SEC31B: variants seen among roughly 807,000 people sequenced by gnomAD.
SEC31B encodes the protein protein transport protein Sec31B.
SEC31B carries 113 observed loss-of-function variants against 135.0 expected under a neutral mutation model. That is an observed-to-expected ratio of 0.84 (90% confidence interval 0.72 to 0.98). The LOEUF is 0.98. Among genes scored for constraint, SEC31B ranks in the 50% least tolerant of loss-of-function variants. SEC31B has a pLI of 0.00. For missense variants in SEC31B, 1,296 were observed against 1,421.1 expected (o/e 0.91, Z 1.42); for synonymous variants, 508 against 549.4 (o/e 0.92, Z 1.05).
chr10:100,512,105 T>C (rs1402241521), intron 3 of SEC31B, among the ~76,000 whole-genome samples: 1 of 151,778 alleles, frequency 6.6e-6, no homozygotes, highest in East Asian at 1.9e-4. Flanking sequence ...TTCTGCTTGA[T>C]GTTGTCCCTT....
At position 100,505,453 on chromosome 10, in the gene SEC31B, G is replaced by T; in HGVS notation, c.1087C>A (p.Gln363Lys). The T allele has an allele frequency of 6.3e-7, 1 of 1,590,434 alleles. No individual in the cohort carries two copies. The highest frequency in any genetic ancestry group is 8.6e-7 in the Non-Finnish European group (1 of 1,168,976). ...FSKGQPLPPL[Q>K]VPEQVAQAPL... ...GCTTGTGCCACTTGCTCTGGCACCTGCAGTGGTGGGAGAGGCTGGCCTTTG... is the reference window on the plus strand; with the variant it reads ...GCTTGTGCCACTTGCTCTGGCACCTTCAGTGGTGGGAGAGGCTGGCCTTTG... Residue 363 changes from glutamine to lysine, a missense_variant, in exon 10 of 26, where the codon CAG becomes AAG. By Grantham distance (53) the Gln-to-Lys change is moderately conservative. Transcript: ENST00000370345.
intron 7 of SEC31B, 147 bp downstream of exon 7, chr10:100,507,278 T>C: frequency 1.1e-6 from 1 of 902,022 alleles, no homozygotes; most frequent in South Asian, 1.6e-5. Flanking sequence ...AAGGCTGGAG[T>C]AGGTATTGGG....
At chr10:100,517,141 G>A (rs183791722) in intron 1 of SEC31B, 144 bp from the exon 2 acceptor site, 10 of 588,254 alleles carry the variant, frequency 1.7e-5, no homozygotes, top group Admixed American at 1.5e-4. Flanking sequence ...CAGATCTAAA[G>A]ATAGTTCATT....
At position 100,490,077 on chromosome 10, in the gene SEC31B, G is replaced by T; in HGVS notation, c.2896C>A (p.Leu966Ile). The T allele has an allele frequency of 6.4e-7, 1 of 1,571,346 alleles. No individual in the cohort carries two copies. Among genetic ancestry groups the T allele is most frequent in the Non-Finnish European group, 8.6e-7 (1 of 1,162,572 alleles). Residue 966 changes from leucine (L) to isoleucine (I), a missense_variant, in exon 21 of 26, where the codon CTT (leucine) becomes ATT (isoleucine). Coordinates refer to ENST00000370345, the MANE Select transcript of SEC31B (RefSeq NM_015490.4). ...APPASFPVPYLPGDPGAPCSS... is the reference protein window; with the variant it reads ...APPASFPVPYIPGDPGAPCSS... ...CATGGGGCACCTGGGTCCCCTGGAA[G>T]GTATGGCACAGGGAAGCTTGCAGGA...
At position 100,516,930 on chromosome 10, in the gene SEC31B, C is replaced by T. The variant is rs201874203; in HGVS notation, c.23G>A (p.Arg8Gln). 471 of 1,614,074 alleles carry T rather than the reference C, an allele frequency of 2.9e-4. No individual in the cohort carries two copies. The highest frequency in any genetic ancestry group is 4.5e-4 in the Admixed American group (27 of 60,020). Residue 8 changes from arginine (R) to glutamine (Q), a missense_variant, in exon 2 of 26, where the codon CGG becomes CAG. Physicochemically the swap from Arg to Gln is conservative, Grantham distance 43. Transcript: ENST00000370345. MKLKELE[R>Q]PAVQAWSPAS... The stretch of plus-strand genomic sequence containing the variant: ...TGGGCTCCATGCCTGGACAGCTGGC[C>T]GCTCAAGTTCCTTCAGCTTCATGGT...
At chr10:100,491,958 G>A (rs1028912810) in intron 19 of SEC31B, among the ~76,000 whole-genome samples, 4 of 152,218 alleles carry the variant, frequency 2.6e-5, no homozygotes, top group African/African-American at 9.6e-5. Context: ...GGGTGGAACC[G>A]TACCTGCTGG....
chr10:100,497,896 G>C (rs1851443029), intron 15 of SEC31B, 103 bp from the exon 16 acceptor site: 3 of 1,593,536 alleles, frequency 1.9e-6, no homozygotes, highest in Non-Finnish European at 2.6e-6. Flanking sequence ...AGGGGCAAGG[G>C]ATGAGGTGGG....
At chr10:100,499,361 T>C in intron 12 of SEC31B, 103 bp from the exon 13 acceptor site, 2 of 1,106,988 alleles carry the variant, frequency 1.8e-6, no homozygotes, top group Non-Finnish European at 2.7e-6. Flanking sequence ...CTCTCTAAGA[T>C]CCCTGATCTA....
chr10:100,508,344 A>T (rs1434673210), intron 5 of SEC31B: 1 of 535,224 alleles, frequency 1.9e-6, no homozygotes, highest in African/African-American at 1.9e-5. Context: ...TAGGACAAAA[A>T]AAGAGGGAGA....
chr10:100,497,809 A>T lies in SEC31B; in HGVS notation c.1864-16T>A. On this transcript the variant is annotated splice_polypyrimidine_tract_variant and intron_variant, in intron 15 of 25. Coordinates refer to ENST00000370345, the MANE Select transcript of SEC31B (RefSeq NM_015490.4). Reference sequence around the variant, plus strand: ...AGGCTAGAAGCTGTAATGGGCAGAGAGGGAAAGAGACCATCAGCCATCCAT... The same window carrying T: ...AGGCTAGAAGCTGTAATGGGCAGAGTGGGAAAGAGACCATCAGCCATCCAT... The T allele has an allele frequency of 6.2e-7, 1 of 1,614,200 alleles. No individual in the cohort carries two copies. The highest frequency in any genetic ancestry group is 8.5e-7 in the Non-Finnish European group (1 of 1,180,036).
rs1589733389 is a variant in SEC31B, at chr10:100,497,199, C to A, written c.2072G>T (p.Ser691Ile). 6.2e-7 allele frequency: 1 copy of A among 1,614,238 alleles called. No homozygotes were observed. Among genetic ancestry groups the A allele is most frequent in the Non-Finnish European group, 8.5e-7 (1 of 1,180,034 alleles). The change falls in exon 17 of 26, where the codon AGT becomes ATT. Residue 691 changes from serine (S) to isoleucine (I), a missense_variant. By Grantham distance (142) the Ser-to-Ile change is moderately radical. Transcript: ENST00000370345. ...EARLCYVCSG[S>I]VERLVECWAK... ...CCAGCACTCCACCAGCCGCTCCACA[C>A]TCCCTGAGCACACATAACAGAGTCT...
chr10:100,518,934 C>T (rs1240674654), intron 1 of SEC31B, among the ~76,000 whole-genome samples: 2 of 152,212 alleles, frequency 1.3e-5, no homozygotes, highest in Non-Finnish European at 2.9e-5. Context: ...GTGCCACCTG[C>T]TGGTCACAGC....
chr10:100,507,393 C>T, intron 7 of SEC31B, 32 bp downstream of exon 7: 1 of 1,614,060 alleles, frequency 6.2e-7, no homozygotes, highest in Non-Finnish European at 8.5e-7. Flanking sequence ...CCACCATCCC[C>T]CCAAGGATAT....
chr10:100,515,656 G>A (rs1442375940), intron 3 of SEC31B, among the ~76,000 whole-genome samples: 2 of 152,168 alleles, frequency 1.3e-5, no homozygotes, highest in African/African-American at 4.8e-5. Context: ...AGTATCTAGC[G>A]CTGGAAGCCT....
chr10:100,508,169 C>A (rs925144898), intron 5 of SEC31B, 118 bp from the exon 6 acceptor site: 1 of 1,207,900 alleles, frequency 8.3e-7, no homozygotes, highest in African/African-American at 1.5e-5. Context: ...TGGGGCTACC[C>A]AAACTAAGAC....
rs754247085 is a variant in SEC31B, at chr10:100,498,179, G to A, written c.1713C>T (p.Leu571=). The A allele has an allele frequency of 6.2e-6, 10 of 1,614,040 alleles. No homozygotes were observed. The East Asian group carries it at 6.7e-5, about 11-fold the overall frequency. The stretch of plus-strand genomic sequence containing the variant: ...CGGCCGGACCCAGTTCCCCAAGCAG[G>A]AGAGCCTGGCTTAGGAGTCCATCAA... ...KDIDGLLSQA[L]LLGELGPAVE... is the part of the protein sequence containing the mutation. Residue 571 remains leucine (L), a synonymous_variant, in exon 15 of 26, where the codon CTC becomes CTT. Coordinates refer to ENST00000370345, the MANE Select transcript of SEC31B (RefSeq NM_015490.4).
In SEC31B at chr10:100,495,448, CACA is replaced by C. The variant is rs756125916; in HGVS notation, c.2406_2408del (p.Val803del). ...TCTCTTTAGAGTGGAGGGTAGCTCC[CACA>C]ACAATCCGGGGGAAGGGGAAAGGGG... On this transcript the variant is annotated inframe_deletion, in exon 19 of 26. Transcript: ENST00000370345. 57 of 1,613,838 alleles carry C rather than the reference CACA, an allele frequency of 3.5e-5. No individual in the cohort carries two copies. The highest frequency in any genetic ancestry group is 4.7e-5 in the Non-Finnish European group (56 of 1,180,012).
At chr10:100,504,531 C>A (rs1002980297) in intron 10 of SEC31B, among the ~76,000 whole-genome samples, 21 of 152,078 alleles carry the variant, frequency 1.4e-4, no homozygotes, top group Admixed American at 1.4e-3. Flanking sequence ...GATGTGGATG[C>A]ACATTAATAG....
At chr10:100,516,367 G>A in intron 2 of SEC31B, 148 bp from the exon 3 acceptor site, 1 of 977,116 alleles carries the variant, frequency 1.0e-6, no homozygotes, top group Non-Finnish European at 1.5e-6. Context: ...GAAAACGTTG[G>A]CTGGGCGCGG....
Sources: allele counts gnomAD v4.1 joint callset (sites outside exome capture counted in the v4.1 genomes callset), GRCh38; gene constraint gnomAD v4.1.1; transcripts MANE v1.5; gene names NCBI Gene and HGNC (gene_info 2026-07-23, HGNC 2026-07-21).